Variants in PDE10A observed in about 807,000 individuals in gnomAD.
The protein encoded by PDE10A is cAMP and cAMP-inhibited cGMP 3',5'-cyclic phosphodiesterase 10A.
A neutral mutation model predicts 97.7 loss-of-function variants in PDE10A; 39 were observed. The ratio of observed to expected loss-of-function variants is 0.40; its 90% CI spans 0.31 to 0.52. The LOEUF is 0.52. Ranked by LOEUF, PDE10A falls within the 20% of genes least tolerant of loss-of-function variation. The pLI, the probability that PDE10A is intolerant of heterozygous loss-of-function variation, is 0.56. For synonymous variants in PDE10A, 371 were observed against 376.8 expected, an observed-to-expected ratio of 0.98 and a Z score of 0.18; for missense variants, 731 against 1,047.8, an observed-to-expected ratio of 0.70 and a Z score of 4.17.
At chr6:165,818,766 G>A (rs145987697) in intron 1 of PDE10A, among the ~76,000 whole-genome samples, 239 of 152,308 alleles carry the variant, frequency 1.6e-3, no homozygotes, top group African/African-American at 5.4e-3. Flanking sequence ...ATGTTCTCAC[G>A]AATTTATTTG....
At chr6:165,585,196 A>G (rs974483447) in intron 1 of PDE10A, among the ~76,000 whole-genome samples, 1 of 152,174 alleles carries the variant, frequency 6.6e-6, no homozygotes, top group African/African-American at 2.4e-5. Flanking sequence ...TTTGGTTGTA[A>G]GTAAGATAGC....
At chr6:165,772,054 C>T (rs2128460053) in intron 1 of PDE10A, among the ~76,000 whole-genome samples, 1 of 152,302 alleles carries the variant, frequency 6.6e-6, no homozygotes, top group South Asian at 2.1e-4. Flanking sequence ...TGAAATGCTT[C>T]TTTAAAAGAT....
intron 1 of PDE10A, among the ~76,000 whole-genome samples, chr6:165,791,484 TCCTCTG>T (rs769755349): frequency 1.5e-3 from 222 of 152,184 alleles, no homozygotes; most frequent in Non-Finnish European, 2.9e-3. Flanking sequence ...GCTGCCACGG[TCCTCTG>T]ACTTATTTTA....
chr6:165,463,063 T>C (rs1448603594), intron 3 of PDE10A, among the ~76,000 whole-genome samples: 1 of 152,248 alleles, frequency 6.6e-6, no homozygotes, highest in Non-Finnish European at 1.5e-5. Flanking sequence ...ACGATTCCTA[T>C]GGAATCATTA....
intron 3 of PDE10A, among the ~76,000 whole-genome samples, chr6:165,455,013 C>G (rs1310913925): frequency 6.6e-6 from 1 of 152,138 alleles, no homozygotes; most frequent in Non-Finnish European, 1.5e-5. Context: ...ATGTATAGCA[C>G]AGATCTTCCT....
At chr6:165,519,537 C>T (rs1403467663) in intron 2 of PDE10A, among the ~76,000 whole-genome samples, 1 of 151,896 alleles carries the variant, frequency 6.6e-6, no homozygotes. Context: ...CTCCTGTGTA[C>T]TGTCATCTAC....
chr6:165,900,492 A>T (rs1782073671), intron 1 of PDE10A, among the ~76,000 whole-genome samples: 2 of 151,898 alleles, frequency 1.3e-5, no homozygotes, highest in Non-Finnish European at 2.9e-5. Context: ...ACAAATAAAA[A>T]TAAAAAAAAA....
chr6:165,664,338 C>A (rs1218967334), upstream of PDE10A, among the ~76,000 whole-genome samples: 1 of 152,082 alleles, frequency 6.6e-6, no homozygotes, highest in Non-Finnish European at 1.5e-5. Context: ...CGATGCTTTC[C>A]CCGACTCCCA....
At chr6:165,415,381 G>A (rs539771301) in intron 12 of PDE10A, among the ~76,000 whole-genome samples, 4 of 152,210 alleles carry the variant, frequency 2.6e-5, no homozygotes, top group East Asian at 1.9e-4. Flanking sequence ...AGTAAACCAC[G>A]AGTTGGAATT....
intron 1 of PDE10A, among the ~76,000 whole-genome samples, chr6:165,851,550 C>A (rs1487333675): frequency 6.6e-6 from 1 of 152,184 alleles, no homozygotes; most frequent in East Asian, 1.9e-4. Flanking sequence ...GTCTAGTTAT[C>A]CCTCAGTCGT....
At chr6:165,407,342 T>C (rs1050550081) in intron 13 of PDE10A, among the ~76,000 whole-genome samples, 8 of 152,308 alleles carry the variant, frequency 5.3e-5, no homozygotes, top group African/African-American at 1.7e-4. Context: ...ACATACTTGC[T>C]ATGTGCCCTT....
chr6:165,960,034 C>T (rs1283947063), intron 1 of PDE10A, among the ~76,000 whole-genome samples: 1 of 151,980 alleles, frequency 6.6e-6, no homozygotes, highest in Non-Finnish European at 1.5e-5. Flanking sequence ...ACAACAAACC[C>T]AACACATAGA....
chr6:165,805,634 G>C (rs942351309), intron 1 of PDE10A, among the ~76,000 whole-genome samples: 1 of 152,184 alleles, frequency 6.6e-6, no homozygotes, highest in Non-Finnish European at 1.5e-5. Context: ...CAAGGCGAGA[G>C]GGGAGAGAAC....
intron 1 of PDE10A, among the ~76,000 whole-genome samples, chr6:165,888,335 G>T (rs886281668): frequency 6.6e-6 from 1 of 151,606 alleles, no homozygotes; most frequent in Admixed American, 6.6e-5. Context: ...CGCCAGCCTG[G>T]AGTGCAGTGG....
At chr6:165,465,605 C>T (rs1778592224) in intron 3 of PDE10A, among the ~76,000 whole-genome samples, 1 of 152,170 alleles carries the variant, frequency 6.6e-6, no homozygotes, top group Admixed American at 6.5e-5. Flanking sequence ...TTCCACATGA[C>T]TAGAGAGGCC....
intron 3 of PDE10A, among the ~76,000 whole-genome samples, chr6:165,469,081 T>G (rs1778834579): frequency 2.0e-5 from 3 of 152,248 alleles, no homozygotes; most frequent in Admixed American, 2.0e-4. Context: ...TGATATCATT[T>G]TTTAGATAAA....
chr6:165,702,531 G>A (rs1409830544), intron 1 of PDE10A, among the ~76,000 whole-genome samples: 5 of 152,196 alleles, frequency 3.3e-5, no homozygotes, highest in African/African-American at 7.2e-5. Flanking sequence ...AAGAAGGAAC[G>A]GTTCAGCAGC....
intron 1 of PDE10A, among the ~76,000 whole-genome samples, chr6:165,549,249 A>T (rs1311518749): frequency 6.6e-6 from 1 of 152,226 alleles, no homozygotes; most frequent in Admixed American, 6.5e-5. Context: ...CTATCACACA[A>T]CAAACATATA....
chr6:165,744,114 G>A lies in PDE10A; in HGVS notation c.-614-200546C>T, dbSNP rs568842169. The stretch of plus-strand genomic sequence containing the variant: ...TACAACCATTTAAAAATTTTTCTGC[G>A]AAAATGGCAGAAATAACTTAAGATG... On this transcript the variant is annotated intron_variant, in intron 1 of 19. Transcript: ENST00000366882. 3.9e-5 allele frequency among the ~76,000 whole-genome samples: 6 copies of A among 152,104 alleles called. No individual in the cohort carries two copies. In the East Asian group the frequency reaches 5.8e-4, roughly 15 times the overall value.
Sources: gnomAD v4.1 joint callset for allele counts (sites outside exome capture counted in the v4.1 genomes callset) on GRCh38, gnomAD v4.1.1 for gene constraint, MANE v1.5 for transcripts, NCBI Gene and HGNC (gene_info 2026-07-23, HGNC 2026-07-21) for gene names.